The following LY96 variants were observed in gnomAD, a reference collection of about 807,000 sequenced individuals.
LY96 encodes myeloid differentiation protein-2.
Under a neutral mutation model 18.9 loss-of-function variants are expected in LY96, and 18 were observed. The ratio of observed to expected loss-of-function variants is 0.95; its 90% confidence interval spans 0.66 to 1.41. LY96 has a LOEUF of 1.41. Ranked by LOEUF, LY96 falls within the 40% of genes most tolerant of loss-of-function variation. The probability of loss-of-function intolerance (pLI) is 0.00; values close to 1 mark genes in which losing one functional copy is unlikely to be tolerated. For missense variants in LY96, 175 were observed against 182.4 expected (o/e 0.96, Z 0.23); for synonymous variants, 66 against 62.6 (o/e 1.06, Z -0.26).
At chr8:74,075,013 C>G in the LY96 span, among the ~76,000 whole-genome samples, 1 of 152,136 alleles carries the variant, frequency 6.6e-6, no homozygotes. Flanking sequence ...TATTCTATAG[C>G]ATAGATTAAG....
the LY96 span, among the ~76,000 whole-genome samples, chr8:74,098,284 G>C: frequency 0.3 from 45,173 of 152,048 alleles, 7,784 homozygotes; most frequent in East Asian, 0.41. Flanking sequence ...TAAGGCCTTA[G>C]AAAAATGTTT....
chr8:73,997,659 T>A lies in LY96; in HGVS notation c.112+6105T>A, dbSNP rs1349443121. On this transcript the variant is annotated intron_variant, in intron 1 of 4. Coordinates refer to ENST00000284818, the MANE Select transcript of LY96 (RefSeq NM_015364.5). ...TTTTCCTCCCACATCAGATGCCATG[T>A]GCAAGCCCTAGGCTGACACCTGTGG... is the stretch of plus-strand genomic sequence containing the variant. Among the ~76,000 whole-genome samples, 4 of 152,314 alleles carry A rather than the reference T, an allele frequency of 2.6e-5. 1 individual carries two copies. The South Asian group carries it at 8.3e-4, about 32-fold the overall frequency.
At chr8:74,095,950 A>G in the LY96 span, among the ~76,000 whole-genome samples, 9 of 152,128 alleles carry the variant, frequency 5.9e-5, no homozygotes, top group Non-Finnish European at 8.8e-5. Flanking sequence ...TGAACTCTAG[A>G]TCTTTCTTCC....
At chr8:74,087,904 G>C in the LY96 span, among the ~76,000 whole-genome samples, 2 of 152,046 alleles carry the variant, frequency 1.3e-5, no homozygotes, top group Non-Finnish European at 2.9e-5. Context: ...TCCTCTGAAA[G>C]CTTTTCCTTT....
At chr8:74,095,746 A>G in the LY96 span, among the ~76,000 whole-genome samples, 3 of 152,186 alleles carry the variant, frequency 2.0e-5, no homozygotes, top group Non-Finnish European at 4.4e-5. Flanking sequence ...TGACACATCC[A>G]GGGCTCAGAC....
chr8:74,097,111 G>A, the LY96 span, among the ~76,000 whole-genome samples: 5 of 152,098 alleles, frequency 3.3e-5, no homozygotes, highest in African/African-American at 1.2e-4. Context: ...AATTTTCATG[G>A]TGATTGTTTT....
At chr8:74,071,938 G>T in the LY96 span, among the ~76,000 whole-genome samples, 2 of 152,006 alleles carry the variant, frequency 1.3e-5, no homozygotes, top group Non-Finnish European at 2.9e-5. Flanking sequence ...CGTTTGAGTT[G>T]TTTCTAGTTT....
Position 74,004,795 on chromosome 8 carries a change from G to C in LY96, c.113-1G>C, listed in dbSNP as rs758861429. ...ATTGACATTATCTTTATTGCTTTTA[G>C]ATAAAATGCAATACCCAATTTCAAT... is the stretch of plus-strand genomic sequence containing the variant. On this transcript the variant is annotated splice_acceptor_variant, in intron 1 of 4. Transcript: ENST00000284818. LOFTEE classifies it high-confidence loss of function. 1.2e-5 allele frequency: 18 copies of C among 1,561,656 alleles called. No individual in the cohort carries two copies. In the South Asian group the frequency reaches 2.0e-4, roughly 17 times the overall value.
chr8:73,995,514 A>G (rs1816108373), intron 1 of LY96, among the ~76,000 whole-genome samples: 1 of 152,208 alleles, frequency 6.6e-6, no homozygotes, highest in South Asian at 2.1e-4. Flanking sequence ...ATGCAGTCAT[A>G]TTCTGAGGTA....
intron 2 of LY96, among the ~76,000 whole-genome samples, chr8:74,009,536 G>A (rs1040973736): frequency 6.6e-5 from 10 of 152,014 alleles, no homozygotes; most frequent in Non-Finnish European, 2.9e-5. Context: ...AGATCATGAG[G>A]AAATTAAAAA....
the LY96 span, among the ~76,000 whole-genome samples, chr8:74,094,787 C>T: frequency 6.6e-6 from 1 of 152,086 alleles, no homozygotes; most frequent in Admixed American, 6.5e-5. Context: ...TTAGAAGTTA[C>T]TGTTCAGGAA....
chr8:74,026,834 T>C lies in LY96; in HGVS notation c.377T>C (p.Phe126Ser), dbSNP rs1237306279. 6.7e-7 allele frequency: 1 copy of C among 1,500,854 alleles called. No homozygotes were observed. Among genetic ancestry groups the C allele is most frequent in the Admixed American group, 1.7e-5 (1 of 59,718 alleles). 93.0% of individuals were successfully genotyped at this position (1,500,854 alleles called of 1,614,324 possible). ...TCATTCTCCTTCAAGGGAATAAAATTTTCTAAGGTATTGTTCAAGATTTAT... is the reference window on the plus strand; with the variant it reads ...TCATTCTCCTTCAAGGGAATAAAATCTTCTAAGGTATTGTTCAAGATTTAT... Reference protein sequence around the residue: ...TISFSFKGIKFSKGKYKCVVE... With the variant: ...TISFSFKGIKSSKGKYKCVVE... The change falls in exon 4 of 5, where the codon TTT becomes TCT. Residue 126 changes from phenylalanine to serine, a missense_variant. Coordinates refer to ENST00000284818, the MANE Select transcript of LY96 (RefSeq NM_015364.5).
the LY96 span, among the ~76,000 whole-genome samples, chr8:74,091,145 C>T: frequency 1.1e-4 from 16 of 152,206 alleles, no homozygotes; most frequent in African/African-American, 3.6e-4. Flanking sequence ...GAAAGTGAGG[C>T]TACAGTAATA....
chr8:74,022,833 CCT>C (rs1816797248), intron 3 of LY96, among the ~76,000 whole-genome samples: 1 of 152,124 alleles, frequency 6.6e-6, no homozygotes, highest in Non-Finnish European at 1.5e-5. Context: ...CCCACCTCGG[CCT>C]CCCAAAGTGC....
chr8:74,014,586 C>T (rs186831376), intron 3 of LY96, among the ~76,000 whole-genome samples: 1 of 150,784 alleles, frequency 6.6e-6, no homozygotes, highest in Non-Finnish European at 1.5e-5. Flanking sequence ...GGCCATCTGG[C>T]AGCTGAGTAT....
chr8:74,030,850 C>T (rs576097889), downstream of LY96, among the ~76,000 whole-genome samples: 6 of 152,346 alleles, frequency 3.9e-5, no homozygotes, highest in East Asian at 1.2e-3. Flanking sequence ...GGGCCACCTT[C>T]AGCCATTTAA....
the LY96 span, among the ~76,000 whole-genome samples, chr8:74,089,604 T>A: frequency 6.6e-6 from 1 of 152,212 alleles, no homozygotes; most frequent in African/African-American, 2.4e-5. Flanking sequence ...AAGGACAATG[T>A]TTGAGGCTCT....
the LY96 span, among the ~76,000 whole-genome samples, chr8:74,086,920 G>A: frequency 6.6e-6 from 1 of 152,210 alleles, no homozygotes. Flanking sequence ...CAGTGTTTAG[G>A]CCTGTGAGAA....
At chr8:74,017,430 G>T (rs1195045670) in intron 3 of LY96, among the ~76,000 whole-genome samples, 1 of 152,172 alleles carries the variant, frequency 6.6e-6, no homozygotes, top group Non-Finnish European at 1.5e-5. Context: ...CATTTGATTG[G>T]TTACCTGAAA....
Sources: allele counts gnomAD v4.1 joint callset (sites outside exome capture counted in the v4.1 genomes callset), GRCh38; gene constraint gnomAD v4.1.1; transcripts MANE v1.5; gene names NCBI Gene and HGNC (gene_info 2026-07-23, HGNC 2026-07-21).